Variants in CAMK2D observed in about 807,000 individuals in gnomAD.
The protein encoded by CAMK2D is calcium/calmodulin-dependent protein kinase type II subunit delta.
CAMK2D carries 37 observed loss-of-function variants against 84.0 expected under a neutral mutation model. The observed-to-expected ratio is 0.44, with a 90% CI of 0.34 to 0.58. CAMK2D has a LOEUF of 0.58. Among genes scored for constraint, CAMK2D ranks in the 20% least tolerant of loss-of-function variants. CAMK2D has a pLI of 0.02. For missense variants in CAMK2D, 448 were observed against 652.5 expected, an observed-to-expected ratio of 0.69 and a Z score of 3.41; for synonymous variants, 202 against 212.5, an observed-to-expected ratio of 0.95 and a Z score of 0.43.
intron 6 of CAMK2D, among the ~76,000 whole-genome samples, chr4:113,542,558 A>G (rs541566837): frequency 4.2e-4 from 64 of 152,172 alleles, no homozygotes; most frequent in African/African-American, 1.5e-3. Flanking sequence ...TACTAAAAAT[A>G]CAAAAAATTA....
chr4:113,454,510 A>G lies in CAMK2D; in HGVS notation c.*35T>C. The stretch of plus-strand genomic sequence containing the variant: ...AGAATGCAGAAGTGGCACTGTTGAA[A>G]TTTAGCTGAAAGGAGAAAGGGGGAG... On this transcript the variant is annotated 3_prime_UTR_variant, in exon 21 of 21. Coordinates refer to ENST00000511664, the MANE Select transcript of CAMK2D (RefSeq NM_001321571.2). The G allele has an allele frequency of 1.3e-6, 1 of 779,164 alleles. No homozygotes were observed. The highest frequency in any genetic ancestry group is 1.3e-5 in the South Asian group (1 of 74,476). 48.3% of individuals were successfully genotyped at this position (779,164 alleles called of 1,614,324 possible). A position where few individuals can be genotyped will look rare whatever the true frequency, so the allele number is the denominator to read the frequency against.
rs773701603 is a variant in CAMK2D, at chr4:113,455,724, A to T, written c.*29+2T>A. ...AGTATCACGGAGCAGGATGTTACTT[A>T]CAAGACCCATATGTGAATGGTTTTC... On this transcript the variant is annotated splice_donor_variant, in intron 20 of 20. Transcript: ENST00000511664. LOFTEE classifies it low-confidence loss of function (3UTR_SPLICE). 6.4e-7 allele frequency: 1 copy of T among 1,560,468 alleles called. No individual in the cohort carries two copies. The highest frequency in any genetic ancestry group is 1.7e-5 in the Admixed American group (1 of 59,758).
chr4:113,737,548 T>C (rs980143833), intron 2 of CAMK2D, among the ~76,000 whole-genome samples: 29 of 152,192 alleles, frequency 1.9e-4, no homozygotes, highest in Admixed American at 1.8e-3. Context: ...AAAAAACTTC[T>C]GGAGATAGAT....
chr4:113,455,125 C>T (rs548807094), intron 20 of CAMK2D, among the ~76,000 whole-genome samples: 1 of 152,154 alleles, frequency 6.6e-6, no homozygotes, highest in African/African-American at 2.4e-5. Flanking sequence ...ATGCTTGTAA[C>T]CCAAGTCTAA....
In CAMK2D at chr4:113,666,662, T is replaced by A. The variant is rs2099258559; in HGVS notation, c.161-4890A>T. ...GCATAAAACCTAAGGAAGGCTTGAA[T>A]TTGCCATGGCCGAGAAGGTTTAATT... On this transcript the variant is annotated intron_variant, in intron 2 of 20. Coordinates refer to ENST00000511664, the MANE Select transcript of CAMK2D (RefSeq NM_001321571.2). Among the ~76,000 whole-genome samples, 3 of 152,012 alleles carry A rather than the reference T, an allele frequency of 2.0e-5. No individual in the cohort carries two copies. In the South Asian group the frequency reaches 6.2e-4, roughly 32 times the overall value.
chr4:113,526,084 G>A (rs1351626073), intron 8 of CAMK2D, among the ~76,000 whole-genome samples: 1 of 152,166 alleles, frequency 6.6e-6, no homozygotes, highest in East Asian at 1.9e-4. Flanking sequence ...CCACAACAAT[G>A]ACCAAGATAT....
Position 113,564,532 on chromosome 4 carries a change from T to C in CAMK2D, c.276-12436A>G, listed in dbSNP as rs116999750. ...ATTTCACACCGAGACCATCTGCTTA[T>C]ATACCCATATCTCCTACTAAACCTC... On this transcript the variant is annotated intron_variant, in intron 4 of 20. Transcript: ENST00000511664. Among the ~76,000 whole-genome samples, 50 of 152,322 alleles carry C rather than the reference T, an allele frequency of 3.3e-4. No individual in the cohort carries two copies. The East Asian group carries it at 8.7e-3, about 26-fold the overall frequency.
chr4:113,606,096 A>G (rs564935759), intron 4 of CAMK2D, among the ~76,000 whole-genome samples: 2 of 152,286 alleles, frequency 1.3e-5, no homozygotes, highest in South Asian at 4.1e-4. Context: ...CAAACAAACA[A>G]AAGGGAATCT....
intron 2 of CAMK2D, among the ~76,000 whole-genome samples, chr4:113,663,392 C>T (rs2099243315): frequency 6.6e-6 from 1 of 151,930 alleles, no homozygotes; most frequent in African/African-American, 2.4e-5. Flanking sequence ...TCAAGACAAG[C>T]CTGGCCAACA....
intron 15 of CAMK2D, 102 bp downstream of exon 15, chr4:113,502,834 G>T: frequency 2.4e-6 from 2 of 827,462 alleles, no homozygotes; most frequent in South Asian, 1.4e-5. Context: ...AAAATGGTTA[G>T]AATTTTCTTT....
chr4:113,573,061 A>C (rs1218329350), intron 4 of CAMK2D, among the ~76,000 whole-genome samples: 2 of 152,200 alleles, frequency 1.3e-5, no homozygotes, highest in African/African-American at 4.8e-5. Context: ...GGGTGGGAGG[A>C]GGAAGCGGAG....
intron 4 of CAMK2D, among the ~76,000 whole-genome samples, chr4:113,571,334 T>C (rs2098752677): frequency 6.6e-6 from 1 of 152,184 alleles, no homozygotes; most frequent in South Asian, 2.1e-4. Context: ...AAGAGATGTC[T>C]TCACTCCCAT....
chr4:113,454,841 T>C (rs1386951476), intron 20 of CAMK2D, among the ~76,000 whole-genome samples: 1 of 152,188 alleles, frequency 6.6e-6, no homozygotes, highest in Non-Finnish European at 1.5e-5. Context: ...CTGGACAAAT[T>C]AGTAAATGAA....
intron 2 of CAMK2D, among the ~76,000 whole-genome samples, chr4:113,689,570 T>C (rs2099377283): frequency 6.6e-6 from 1 of 152,238 alleles, no homozygotes; most frequent in South Asian, 2.1e-4. Context: ...TTTGCCTCCA[T>C]CCTGTCCTTC....
At chr4:113,489,455 A>G (rs563187999) in intron 16 of CAMK2D, among the ~76,000 whole-genome samples, 10 of 151,996 alleles carry the variant, frequency 6.6e-5, no homozygotes, top group African/African-American at 2.4e-4. Context: ...CCATGTCCCT[A>G]CAAAGGACAT....
At chr4:113,727,759 T>C (rs1328262749) in intron 2 of CAMK2D, among the ~76,000 whole-genome samples, 1 of 152,180 alleles carries the variant, frequency 6.6e-6, no homozygotes, top group Non-Finnish European at 1.5e-5. Flanking sequence ...ATATTTGTAA[T>C]ACATATATCT....
intron 3 of CAMK2D, among the ~76,000 whole-genome samples, chr4:113,652,382 A>T (rs1020921561): frequency 1.3e-5 from 2 of 151,770 alleles, no homozygotes; most frequent in African/African-American, 4.8e-5. Context: ...TTCCAATCTA[A>T]TTTTTTTTTC....
chr4:113,704,833 C>T lies in CAMK2D; in HGVS notation c.161-43061G>A, dbSNP rs527588469. Among the ~76,000 whole-genome samples, 26 of 151,982 alleles carry T rather than the reference C, an allele frequency of 1.7e-4. 3 individuals carry two copies. The highest frequency in any genetic ancestry group is 5.3e-4 in the African/African-American group (22 of 41,442). On this transcript the variant is annotated intron_variant, in intron 2 of 20. Transcript: ENST00000511664. ...TAAATGACCAAGAAGGTATTATTAA[C>T]GAGGCTTTTACAGTTCTGGAAGTTA...
intron 2 of CAMK2D, among the ~76,000 whole-genome samples, chr4:113,735,125 A>G (rs2148836247): frequency 6.6e-6 from 1 of 151,800 alleles, no homozygotes; most frequent in Admixed American, 6.6e-5. Context: ...TTAGAATAAT[A>G]CACAGGAAAT....
Sources: gnomAD v4.1 joint callset for allele counts (sites outside exome capture counted in the v4.1 genomes callset) on GRCh38, gnomAD v4.1.1 for gene constraint, MANE v1.5 for transcripts, NCBI Gene and HGNC (gene_info 2026-07-23, HGNC 2026-07-21) for gene names.